Variants in GPC6 observed in about 807,000 individuals in gnomAD.
GPC6 encodes the protein glypican 6.
Under a neutral mutation model 55.2 loss-of-function variants are expected in GPC6, and 14 were observed. That is an observed-to-expected ratio of 0.25 (90% CI 0.17 to 0.40). The LOEUF (loss-of-function observed/expected upper bound fraction) is 0.40. GPC6 is among the 10% of genes least tolerant of loss of function. The pLI is 1.00. For missense variants in GPC6, 641 were observed against 708.5 expected (o/e 0.90, Z 1.08); for synonymous variants, 278 against 259.6 (o/e 1.07, Z -0.68).
At chr13:93,238,883 G>A (rs1005739682) in intron 1 of GPC6, among the ~76,000 whole-genome samples, 1 of 152,054 alleles carries the variant, frequency 6.6e-6, no homozygotes, top group Non-Finnish European at 1.5e-5. Context: ...TTTATGTGGT[G>A]AATTACATTT....
At chr13:93,869,417 T>C (rs1889061144) in intron 3 of GPC6, among the ~76,000 whole-genome samples, 1 of 151,836 alleles carries the variant, frequency 6.6e-6, no homozygotes, top group Non-Finnish European at 1.5e-5. Flanking sequence ...GAGGCTGTCA[T>C]AGCTAAGAAG....
At chr13:93,670,272 A>C (rs12584144) in intron 2 of GPC6, among the ~76,000 whole-genome samples, 154 of 152,338 alleles carry the variant, frequency 1.0e-3, no homozygotes, top group African/African-American at 3.5e-3. Flanking sequence ...TTAAAAAGGC[A>C]TGGGATTCAC....
At chr13:93,618,323 G>A (rs539780688) in intron 2 of GPC6, among the ~76,000 whole-genome samples, 1 of 152,100 alleles carries the variant, frequency 6.6e-6, no homozygotes, top group African/African-American at 2.4e-5. Flanking sequence ...GAAAATGATA[G>A]GTTAGTAAAT....
At chr13:93,779,046 A>G (rs1326639291) in intron 2 of GPC6, among the ~76,000 whole-genome samples, 3 of 152,214 alleles carry the variant, frequency 2.0e-5, no homozygotes, top group African/African-American at 7.2e-5. Context: ...CTGTATGTTT[A>G]TAACTATCCT....
chr13:94,160,341 G>A (rs1294177916), intron 4 of GPC6, among the ~76,000 whole-genome samples: 1 of 152,120 alleles, frequency 6.6e-6, no homozygotes, highest in East Asian at 1.9e-4. Context: ...TATCCTCTGT[G>A]GATAAGGAGA....
chr13:94,315,346 C>T (rs1876469853), intron 6 of GPC6, among the ~76,000 whole-genome samples: 1 of 152,230 alleles, frequency 6.6e-6, no homozygotes, highest in African/African-American at 2.4e-5. Flanking sequence ...CTTGTATGTG[C>T]CAAGTGTTCA....
chr13:94,386,371 A>G (rs1451380822), intron 7 of GPC6, among the ~76,000 whole-genome samples: 4 of 151,686 alleles, frequency 2.6e-5, no homozygotes, highest in African/African-American at 9.7e-5. Context: ...AAAAAAAAAA[A>G]AGAAAAGAAA....
At chr13:94,284,493 G>T (rs1029620070) in intron 4 of GPC6, among the ~76,000 whole-genome samples, 1 of 151,368 alleles carries the variant, frequency 6.6e-6, no homozygotes, top group Non-Finnish European at 1.5e-5. Flanking sequence ...TAGACATCAT[G>T]TTATTTGTGT....
chr13:93,564,412 T>TC (rs1875981201), intron 2 of GPC6, among the ~76,000 whole-genome samples: 1 of 152,116 alleles, frequency 6.6e-6, no homozygotes, highest in Non-Finnish European at 1.5e-5. Flanking sequence ...AAGAGAAAAG[T>TC]CCTTTTGTAC....
chr13:93,398,344 G>A (rs1566335975), intron 1 of GPC6, among the ~76,000 whole-genome samples: 1 of 152,172 alleles, frequency 6.6e-6, no homozygotes, highest in Non-Finnish European at 1.5e-5. Flanking sequence ...CTCTGGGGAG[G>A]CAAGTCTGCT....
rs528712672 is a variant in GPC6 at position 93,558,205 on chromosome 13, T to G, written c.319+12784T>G. 1.4e-4 allele frequency among the ~76,000 whole-genome samples: 22 copies of G among 152,298 alleles called. No individual in the cohort carries two copies. In the East Asian group the frequency reaches 4.2e-3, roughly 29 times the overall value. ...ACCTGTTTTGAAACTACGATATACATAAAAAGCCTAGCATAAGTCTAGCAA... is the reference window on the plus strand; with the variant it reads ...ACCTGTTTTGAAACTACGATATACAGAAAAAGCCTAGCATAAGTCTAGCAA... On this transcript the variant is annotated intron_variant, in intron 2 of 8. Transcript: ENST00000377047.
intron 3 of GPC6, among the ~76,000 whole-genome samples, chr13:93,881,272 A>T (rs1489236531): frequency 6.6e-6 from 1 of 152,096 alleles, no homozygotes; most frequent in African/African-American, 2.4e-5. Flanking sequence ...AAGCAATTTA[A>T]ATGTAATTAT....
intron 1 of GPC6, among the ~76,000 whole-genome samples, chr13:93,370,567 T>C (rs922263238): frequency 6.6e-6 from 1 of 152,120 alleles, no homozygotes; most frequent in South Asian, 2.1e-4. Flanking sequence ...CAGGGTCAGT[T>C]AATTCAGGGG....
At chr13:93,308,238 T>A (rs994708828) in intron 1 of GPC6, among the ~76,000 whole-genome samples, 7 of 152,120 alleles carry the variant, frequency 4.6e-5, no homozygotes, top group Non-Finnish European at 1.0e-4. Flanking sequence ...TGAGCCGAGA[T>A]TGCGCTACTG....
intron 4 of GPC6, among the ~76,000 whole-genome samples, chr13:94,061,060 TCTGC>T (rs1395567844): frequency 1.3e-5 from 2 of 152,220 alleles, no homozygotes; most frequent in African/African-American, 2.4e-5. Context: ...TTGCTTTTAC[TCTGC>T]CTGCAGGTAC....
chr13:93,262,856 AAGG>A (rs1877197949), intron 1 of GPC6, among the ~76,000 whole-genome samples: 1 of 152,148 alleles, frequency 6.6e-6, no homozygotes, highest in Admixed American at 6.6e-5. Context: ...CCATTGCAAG[AAGG>A]AGTTCAGGGA....
chr13:93,497,417 T>C (rs1332913226), intron 1 of GPC6, among the ~76,000 whole-genome samples: 1 of 152,228 alleles, frequency 6.6e-6, no homozygotes, highest in Non-Finnish European at 1.5e-5. Context: ...CATCAGCGCT[T>C]CTTACTGTAT....
At chr13:94,269,191 C>G (rs534953588) in intron 4 of GPC6, among the ~76,000 whole-genome samples, 1 of 152,288 alleles carries the variant, frequency 6.6e-6, no homozygotes, top group East Asian at 1.9e-4. Flanking sequence ...GCTTTTGAAT[C>G]TGGATAATGA....
At chr13:93,756,871 T>A (rs563864836) in intron 2 of GPC6, among the ~76,000 whole-genome samples, 1 of 152,162 alleles carries the variant, frequency 6.6e-6, no homozygotes, top group Admixed American at 6.6e-5. Context: ...GCAGTAACAC[T>A]GTCCCTTAGG....
Sources: allele counts gnomAD v4.1 joint callset (sites outside exome capture counted in the v4.1 genomes callset), GRCh38; gene constraint gnomAD v4.1.1; transcripts MANE v1.5; gene names NCBI Gene and HGNC (gene_info 2026-07-23, HGNC 2026-07-21).